Variants in RGL1 observed in about 807,000 individuals in gnomAD.
The protein encoded by RGL1 is ral guanine nucleotide dissociation stimulator like 1, also known as ral guanine nucleotide dissociation stimulator-like 1.
In RGL1, 24 loss-of-function variants were observed where a neutral mutation model predicts 95.2. The observed-to-expected ratio is 0.25, with a 90% CI of 0.18 to 0.35. The LOEUF (loss-of-function observed/expected upper bound fraction) is 0.35, where lower values mean the gene tolerates loss of function less well. Ranked by LOEUF, RGL1 falls within the 10% of genes least tolerant of loss-of-function variation. The pLI is 1.00. For synonymous variants in RGL1, 329 were observed against 344.9 expected (o/e 0.95, Z 0.51); for missense variants, 715 against 936.3 (o/e 0.76, Z 3.08).
intron 1 of RGL1, among the ~76,000 whole-genome samples, chr1:183,638,366 A>G (rs1473645092): frequency 6.6e-6 from 1 of 152,198 alleles, no homozygotes; most frequent in African/African-American, 2.4e-5. Context: ...TTGTCTCACA[A>G]TGATCTAAGT....
At chr1:183,883,944 A>G (rs750810143) in intron 6 of RGL1, 34 bp downstream of exon 6, 11 of 1,610,420 alleles carry the variant, frequency 6.8e-6, no homozygotes, top group African/African-American at 2.7e-5. Flanking sequence ...ATGTACTTTC[A>G]CTTAAAACAT....
chr1:183,904,606 T>C lies in RGL1; in HGVS notation c.1351-244T>C, dbSNP rs148654462. On this transcript the variant is annotated intron_variant, in intron 12 of 17. Coordinates refer to ENST00000360851, the MANE Select transcript of RGL1 (RefSeq NM_001297671.3). ...TGGTAGCTTGTTTTATACAAATTGC[T>C]TTCTCAAGGAGAAAAGAGGATTAAA... is the stretch of plus-strand genomic sequence containing the variant. Among the ~76,000 whole-genome samples, 226 of 152,304 alleles carry C rather than the reference T, an allele frequency of 1.5e-3. 1 individual carries two copies. The highest frequency in any genetic ancestry group is 5.3e-3 in the African/African-American group (220 of 41,580).
In RGL1 at chr1:183,644,337, T is replaced by C. The variant is rs12567256; in HGVS notation, c.-33+7836T>C. On this transcript the variant is annotated intron_variant, in intron 1 of 18. Coordinates refer to the RGL1 transcript ENST00000304685. ...AGTTATTATAATAATATCTACCTCA[T>C]AGGATTATTGGGAGGATTAAATGAA... is the stretch of plus-strand genomic sequence containing the variant. Among the ~76,000 whole-genome samples, 11 of 152,202 alleles carry C rather than the reference T, an allele frequency of 7.2e-5. No homozygotes were observed. The East Asian group carries it at 1.2e-3, about 16-fold the overall frequency.
intron 1 of RGL1, among the ~76,000 whole-genome samples, chr1:183,739,404 A>G (rs1363782563): frequency 3.3e-5 from 5 of 152,204 alleles, no homozygotes; most frequent in African/African-American, 4.8e-5. Context: ...GATCTAGGAG[A>G]GAGAGCATGA....
intron 1 of RGL1, among the ~76,000 whole-genome samples, chr1:183,739,517 T>A (rs903979362): frequency 6.6e-6 from 1 of 152,226 alleles, no homozygotes; most frequent in Non-Finnish European, 1.5e-5. Flanking sequence ...CCTCTCAGGG[T>A]TACTGTGTGG....
chr1:183,815,732 C>A (rs1044786406), intron 2 of RGL1, among the ~76,000 whole-genome samples: 2 of 152,074 alleles, frequency 1.3e-5, no homozygotes, highest in African/African-American at 4.8e-5. Flanking sequence ...TTACCTGTAA[C>A]GGGGAGAATA....
intron 1 of RGL1, among the ~76,000 whole-genome samples, chr1:183,711,778 C>T (rs535361376): frequency 1.1e-4 from 16 of 151,070 alleles, no homozygotes; most frequent in South Asian, 8.4e-4. Context: ...GTTAACAGAA[C>T]GCTGGGAATG....
At chr1:183,809,873 C>T (rs1484716311) in intron 2 of RGL1, among the ~76,000 whole-genome samples, 4 of 152,234 alleles carry the variant, frequency 2.6e-5, no homozygotes, top group South Asian at 2.1e-4. Context: ...GGGAGGATCG[C>T]GTGAGCCAGG....
intron 1 of RGL1, among the ~76,000 whole-genome samples, chr1:183,659,059 A>C (rs1398889004): frequency 6.6e-6 from 1 of 152,078 alleles, no homozygotes; most frequent in East Asian, 1.9e-4. Context: ...CCATCTGTAC[A>C]TCACCATCAT....
chr1:183,757,714 T>A (rs954064592), intron 2 of RGL1, among the ~76,000 whole-genome samples: 2 of 152,198 alleles, frequency 1.3e-5, no homozygotes. Context: ...GCTTTCATAT[T>A]TATTAATATA....
chr1:183,908,634 G>T (rs1668476165), intron 14 of RGL1, among the ~76,000 whole-genome samples: 1 of 152,156 alleles, frequency 6.6e-6, no homozygotes, highest in Non-Finnish European at 1.5e-5. Flanking sequence ...ACCAAGCCTT[G>T]TCAGCTGGTA....
In RGL1 at chr1:183,787,290, C is replaced by A. The variant is rs1660224732; in HGVS notation, c.133-19085C>A. Reference sequence around the variant, plus strand: ...GCTTCACTAAACCCCAGCCCTACCACCTTAAAACTCTACTCACATTTTAAG... The same window carrying A: ...GCTTCACTAAACCCCAGCCCTACCAACTTAAAACTCTACTCACATTTTAAG... On this transcript the variant is annotated intron_variant, in intron 2 of 18. Transcript: ENST00000304685. Among the ~76,000 whole-genome samples, 3 of 152,320 alleles carry A rather than the reference C, an allele frequency of 2.0e-5. No individual in the cohort carries two copies. The South Asian group carries it at 6.2e-4, about 32-fold the overall frequency.
chr1:183,720,903 C>T (rs1017850397), intron 1 of RGL1, among the ~76,000 whole-genome samples: 1 of 152,102 alleles, frequency 6.6e-6, no homozygotes, highest in African/African-American at 2.4e-5. Context: ...GGGAAAGTGT[C>T]AAGGATGACT....
intron 2 of RGL1, among the ~76,000 whole-genome samples, chr1:183,814,757 A>G (rs74130641): frequency 0.028 from 4,200 of 152,312 alleles, 205 homozygotes; most frequent in African/African-American, 0.094. Flanking sequence ...CAGTCATATC[A>G]ACTGAATCTC....
At chr1:183,784,638 G>A (rs755672635) in intron 2 of RGL1, among the ~76,000 whole-genome samples, 19 of 152,180 alleles carry the variant, frequency 1.2e-4, no homozygotes, top group African/African-American at 4.3e-4. Flanking sequence ...GGAGCAGAGC[G>A]GTCCAGCTGT....
chr1:183,712,667 G>A (rs1655357367), intron 1 of RGL1, among the ~76,000 whole-genome samples: 1 of 152,196 alleles, frequency 6.6e-6, no homozygotes, highest in African/African-American at 2.4e-5. Flanking sequence ...AACATGGTAA[G>A]TCATATGATA....
intron 2 of RGL1, among the ~76,000 whole-genome samples, chr1:183,811,729 T>C (rs1661729487): frequency 6.6e-6 from 1 of 152,172 alleles, no homozygotes; most frequent in Non-Finnish European, 1.5e-5. Flanking sequence ...ATATGTGACA[T>C]GTAATCAAGA....
In RGL1 at chr1:183,659,147, C is replaced by T. The variant is rs1210130709; in HGVS notation, c.-33+22646C>T. Reference sequence around the variant, plus strand: ...AAACTGGAAACTCTAAAAAGCAGAGCGCCTCTCCTCCTCCAAAGGAATACA... The same window carrying T: ...AAACTGGAAACTCTAAAAAGCAGAGTGCCTCTCCTCCTCCAAAGGAATACA... On this transcript the variant is annotated intron_variant, in intron 1 of 18. Transcript: ENST00000304685. Among the ~76,000 whole-genome samples, 8 of 152,206 alleles carry T rather than the reference C, an allele frequency of 5.3e-5. No individual in the cohort carries two copies. The South Asian group carries it at 1.2e-3, about 24-fold the overall frequency.
At chr1:183,795,540 T>G (rs1018601714) in intron 2 of RGL1, among the ~76,000 whole-genome samples, 1 of 152,096 alleles carries the variant, frequency 6.6e-6, no homozygotes, top group African/African-American at 2.4e-5. Flanking sequence ...TTCAAGACAT[T>G]GAAAGAAGAC....
Sources: gnomAD v4.1 joint callset for allele counts (sites outside exome capture counted in the v4.1 genomes callset) on GRCh38, gnomAD v4.1.1 for gene constraint, MANE v1.5 for transcripts, NCBI Gene and HGNC (gene_info 2026-07-23, HGNC 2026-07-21) for gene names.